Variants in CNTN1 observed in about 807,000 individuals in gnomAD.
CNTN1 encodes contactin-1.
A neutral mutation model predicts 126.4 loss-of-function variants in CNTN1; 38 were observed. The observed-to-expected ratio is 0.30, with a 90% CI of 0.23 to 0.39. The LOEUF (loss-of-function observed/expected upper bound fraction) is 0.39. Among genes scored for constraint, CNTN1 ranks in the 10% least tolerant of loss-of-function variants. The probability of loss-of-function intolerance (pLI) is 1.00; values close to 1 mark genes in which losing one functional copy is unlikely to be tolerated. For missense variants in CNTN1, 1,009 were observed against 1,248.4 expected, an observed-to-expected ratio of 0.81 and a Z score of 2.89; for synonymous variants, 413 against 422.6, an observed-to-expected ratio of 0.98 and a Z score of 0.28.
At chr12:40,708,408 T>A in intron 1 of CNTN1, among the ~76,000 whole-genome samples, 1 of 152,234 alleles carries the variant, frequency 6.6e-6, no homozygotes, top group Admixed American at 6.5e-5. Context: ...TAAAAAATAC[T>A]TTGTTACGAA....
chr12:40,981,204 C>T, intron 16 of CNTN1, 137 bp downstream of exon 16: 1 of 783,750 alleles, frequency 1.3e-6, no homozygotes, highest in Non-Finnish European at 2.0e-6. Context: ...AAAATGTATT[C>T]TAATATTTTG....
intron 1 of CNTN1, among the ~76,000 whole-genome samples, chr12:40,766,464 G>T (rs7309125): frequency 0.26 from 39,547 of 151,914 alleles, 5,491 homozygotes; most frequent in African/African-American, 0.34. Context: ...AATAATCAGA[G>T]AACTGTACCA....
intron 1 of CNTN1, among the ~76,000 whole-genome samples, chr12:40,783,313 T>C (rs1312891637): frequency 6.6e-6 from 1 of 152,032 alleles, no homozygotes; most frequent in Non-Finnish European, 1.5e-5. Flanking sequence ...CAGTTTTGAA[T>C]AAAATATAGC....
rs370984371 is a variant in CNTN1, at chr12:40,707,227, C to CT, written c.-77+14674dup. On this transcript the variant is annotated intron_variant, in intron 1 of 23. Transcript: ENST00000551295. ...TTCCTCTTTCATTTCTTTTCTTTTT[C>CT]TTTTTTTTTTTTTTTTTTTTTTTTT... Among the ~76,000 whole-genome samples, 143 of 109,116 alleles carry CT rather than the reference C, an allele frequency of 1.3e-3. 3 individuals carry two copies. The highest frequency in any genetic ancestry group is 1.7e-3 in the Non-Finnish European group (93 of 55,712). 71.6% of individuals were successfully genotyped at this position (109,116 alleles called of 152,430 possible).
chr12:40,860,977 A>G lies in CNTN1; in HGVS notation c.-76-47380A>G, dbSNP rs867873584. On this transcript the variant is annotated intron_variant, in intron 1 of 23. Transcript: ENST00000551295. ...ACTTCCATCATCTTTAACACTCAGGAAATTCCAAAAGCTTTAGGAGCTCCG... is the reference window on the plus strand; with the variant it reads ...ACTTCCATCATCTTTAACACTCAGGGAATTCCAAAAGCTTTAGGAGCTCCG... Among the ~76,000 whole-genome samples, 3 of 152,136 alleles carry G rather than the reference A, an allele frequency of 2.0e-5. No individual in the cohort carries two copies. The South Asian group carries it at 6.2e-4, about 32-fold the overall frequency.
chr12:41,049,783 G>A (rs1424394842), intron 23 of CNTN1, among the ~76,000 whole-genome samples: 1 of 152,040 alleles, frequency 6.6e-6, no homozygotes, highest in Non-Finnish European at 1.5e-5. Context: ...TGCCAATCTG[G>A]GTCACTACCA....
intron 23 of CNTN1, among the ~76,000 whole-genome samples, chr12:41,061,195 A>C (rs1949931420): frequency 6.6e-6 from 1 of 152,212 alleles, no homozygotes; most frequent in Non-Finnish European, 1.5e-5. Context: ...GCCCCAAAAT[A>C]TCAAAATTGG....
chr12:40,815,359 C>T (rs1220303302), intron 1 of CNTN1, among the ~76,000 whole-genome samples: 3 of 152,000 alleles, frequency 2.0e-5, no homozygotes, highest in Admixed American at 1.3e-4. Context: ...TGAAGAGGTC[C>T]TTCACATCCC....
chr12:40,907,575 A>G (rs61443681), intron 1 of CNTN1, among the ~76,000 whole-genome samples: 26,914 of 152,108 alleles, frequency 0.18, 3,965 homozygotes, highest in African/African-American at 0.41. Flanking sequence ...AAAATTTTTA[A>G]AAGCAAGATA....
At chr12:40,940,422 G>A (rs1946227488) in intron 12 of CNTN1, among the ~76,000 whole-genome samples, 1 of 152,096 alleles carries the variant, frequency 6.6e-6, no homozygotes, top group Non-Finnish European at 1.5e-5. Flanking sequence ...TCTGTTTAAA[G>A]TCTTAAACAA....
At chr12:40,743,122 A>T (rs1584100) in intron 1 of CNTN1, among the ~76,000 whole-genome samples, 94,350 of 151,832 alleles carry the variant, frequency 0.62, 29,884 homozygotes, top group East Asian at 0.84. Flanking sequence ...ATGTCTAGGG[A>T]GAATAATTGG....
intron 1 of CNTN1, among the ~76,000 whole-genome samples, chr12:40,865,032 G>C (rs1943251177): frequency 6.6e-6 from 1 of 152,124 alleles, no homozygotes; most frequent in African/African-American, 2.4e-5. Context: ...AGCCATCATA[G>C]TGGGTGTGAA....
At chr12:40,923,046 G>T (rs4768325) in intron 5 of CNTN1, among the ~76,000 whole-genome samples, 9,410 of 150,678 alleles carry the variant, frequency 0.062, 518 homozygotes, top group Admixed American at 0.16. Flanking sequence ...CACCCCTAAG[G>T]GGGTGAAAAT....
rs566845992 is a variant in CNTN1, at chr12:40,982,848, T to C, written c.1963+1781T>C. Among the ~76,000 whole-genome samples the C allele has an allele frequency of 2.7e-5, 4 of 149,414 alleles. No individual in the cohort carries two copies. In the East Asian group the frequency reaches 8.0e-4, roughly 30 times the overall value. ...GGGGAAGTAGGAGATGTGTTTTAAA[T>C]AGGGTATTTCTCATATTCTCACTCA... On this transcript the variant is annotated intron_variant, in intron 16 of 23. Transcript: ENST00000551295.
At chr12:40,795,222 A>G (rs529298175) in intron 1 of CNTN1, among the ~76,000 whole-genome samples, 11 of 151,420 alleles carry the variant, frequency 7.3e-5, no homozygotes, top group African/African-American at 2.2e-4. Context: ...CTACACCCAC[A>G]TCCTCTGAAC....
At chr12:40,764,863 A>G (rs1939014340) in intron 1 of CNTN1, among the ~76,000 whole-genome samples, 1 of 152,162 alleles carries the variant, frequency 6.6e-6, no homozygotes, top group Non-Finnish European at 1.5e-5. Context: ...GTTTAGCAGC[A>G]TATTGCTTAA....
At chr12:40,783,822 A>G (rs1403830023) in intron 1 of CNTN1, among the ~76,000 whole-genome samples, 2 of 152,170 alleles carry the variant, frequency 1.3e-5, no homozygotes, top group Admixed American at 1.3e-4. Context: ...AAATATTATA[A>G]AAATGAAAGA....
At chr12:40,727,021 A>T (rs1942372024) in intron 1 of CNTN1, among the ~76,000 whole-genome samples, 1 of 149,976 alleles carries the variant, frequency 6.7e-6, no homozygotes, top group African/African-American at 2.4e-5. Context: ...AAAAATTCTA[A>T]TAATAAAATT....
At position 41,014,265 on chromosome 12, in the gene CNTN1, T is replaced by A. The variant is rs745604726; in HGVS notation, c.2151T>A (p.Gly717=). 2.5e-6 allele frequency: 4 copies of A among 1,613,878 alleles called. No homozygotes were observed. In the East Asian group the frequency reaches 8.9e-5, roughly 36 times the overall value. The change falls in exon 18 of 24, where the codon GGT becomes GGA. Residue 717 remains glycine (G), a synonymous_variant. Transcript: ENST00000551295. The stretch of plus-strand genomic sequence containing the variant: ...CTCCTTCAGATGTAGGAGGTGGAGG[T>A]GGAAGAAACAGAGAGCTGACCATAA... ...NVAPSDVGGG[G]GRNRELTITW...
Sources: gnomAD v4.1 joint callset for allele counts (sites outside exome capture counted in the v4.1 genomes callset) on GRCh38, gnomAD v4.1.1 for gene constraint, MANE v1.5 for transcripts, NCBI Gene and HGNC (gene_info 2026-07-23, HGNC 2026-07-21) for gene names.